GPHN: variants seen among roughly 807,000 people sequenced by gnomAD.
GPHN encodes the protein gephyrin.
In GPHN, 17 loss-of-function variants were observed where a neutral mutation model predicts 95.5. That is an observed-to-expected ratio of 0.18 (90% CI 0.12 to 0.27). The LOEUF (loss-of-function observed/expected upper bound fraction) is 0.27, where lower values mean the gene tolerates loss of function less well. GPHN is among the 10% of genes least tolerant of loss of function. The probability of loss-of-function intolerance (pLI) is 1.00; values close to 1 mark genes in which losing one functional copy is unlikely to be tolerated. For missense variants in GPHN, 660 were observed against 978.1 expected, an observed-to-expected ratio of 0.67 and a Z score of 4.34; for synonymous variants, 320 against 322.5, an observed-to-expected ratio of 0.99 and a Z score of 0.08.
chr14:67,018,042 C>A (rs2073406896), intron 9 of GPHN, among the ~76,000 whole-genome samples: 2 of 152,032 alleles, frequency 1.3e-5, no homozygotes, highest in Non-Finnish European at 2.9e-5. Flanking sequence ...AAGTCATGAT[C>A]CTTTTCCTCT....
the GPHN span, chr14:67,359,617 C>T: frequency 5.6e-6 from 9 of 1,612,738 alleles, no homozygotes; most frequent in Non-Finnish European, 7.6e-6. Context: ...GCTCCGGGTT[C>T]CTAAACCTGT....
intron 8 of GPHN, among the ~76,000 whole-genome samples, chr14:66,954,202 T>C (rs2068326211): frequency 6.6e-6 from 1 of 152,246 alleles, no homozygotes; most frequent in South Asian, 2.1e-4. Flanking sequence ...AGTGATTGCA[T>C]TGAATCTGTA....
chr14:67,323,123 C>T, the GPHN span, among the ~76,000 whole-genome samples: 1 of 151,732 alleles, frequency 6.6e-6, no homozygotes, highest in Non-Finnish European at 1.5e-5. Flanking sequence ...TAGTTGTCAT[C>T]CTTCAGTATC....
the GPHN span, chr14:67,292,446 T>G: frequency 1.4e-5 from 16 of 1,112,246 alleles, no homozygotes; most frequent in East Asian, 3.9e-4. Context: ...AAATGTTCTC[T>G]GAAAATGCAT....
chr14:67,575,549 A>C, the GPHN span: 1 of 924,914 alleles, frequency 1.1e-6, no homozygotes, highest in South Asian at 1.4e-5. Context: ...TGTCCTGATG[A>C]AAGTCCCTAC....
chr14:67,556,911 G>A, the GPHN span, among the ~76,000 whole-genome samples: 1 of 152,070 alleles, frequency 6.6e-6, no homozygotes, highest in Non-Finnish European at 1.5e-5. Flanking sequence ...GGTGGGGTTG[G>A]GACAGTTGCT....
the GPHN span, among the ~76,000 whole-genome samples, chr14:67,497,092 TTCTC>T: frequency 1.3e-5 from 2 of 149,850 alleles, no homozygotes; most frequent in African/African-American, 2.5e-5. Flanking sequence ...GTGCCTTTCT[TTCTC>T]TCTCTCTCTT....
chr14:66,747,541 T>C (rs2058199751), intron 2 of GPHN, among the ~76,000 whole-genome samples: 2 of 151,716 alleles, frequency 1.3e-5, no homozygotes, highest in Non-Finnish European at 2.9e-5. Context: ...GATATTATAA[T>C]GAACAAGATA....
At chr14:67,103,477 TCC>T (rs2077843934) in intron 13 of GPHN, among the ~76,000 whole-genome samples, 1 of 150,626 alleles carries the variant, frequency 6.6e-6, no homozygotes, top group Non-Finnish European at 1.5e-5. Flanking sequence ...TATTAATTCT[TCC>T]AACCCAACGA....
chr14:67,208,297 CAT>C, the GPHN span: 1 of 1,613,950 alleles, frequency 6.2e-7, no homozygotes, highest in Non-Finnish European at 8.5e-7. Context: ...CCATCTCAAA[CAT>C]AACACTGACT....
At chr14:67,621,028 T>C in the GPHN span, 1 of 1,477,108 alleles carries the variant, frequency 6.8e-7, no homozygotes, top group Admixed American at 1.7e-5. Flanking sequence ...CAGAGTCTTT[T>C]CTCTGACATC....
intron 1 of GPHN, among the ~76,000 whole-genome samples, chr14:66,553,222 C>T (rs1466564453): frequency 6.6e-6 from 1 of 152,022 alleles, no homozygotes; most frequent in Non-Finnish European, 1.5e-5. Context: ...AACTTTTGAC[C>T]TCAGGCAATC....
the GPHN span, among the ~76,000 whole-genome samples, chr14:67,431,262 G>A: frequency 9.9e-5 from 15 of 151,994 alleles, no homozygotes; most frequent in East Asian, 1.7e-3. Context: ...GCATGGTGGC[G>A]CTTGCCTGTA....
At chr14:67,023,769 G>T in intron 10 of GPHN, 94 bp downstream of exon 10, 1 of 967,602 alleles carries the variant, frequency 1.0e-6, no homozygotes, top group South Asian at 1.3e-5. Flanking sequence ...AAGCAATGGG[G>T]AATATTTATG....
the GPHN span, among the ~76,000 whole-genome samples, chr14:67,427,925 CT>C: frequency 1.5e-3 from 212 of 142,158 alleles, no homozygotes; most frequent in Middle Eastern, 3.6e-3. Flanking sequence ...CGACAATGCC[CT>C]TTTTTTTTTT....
chr14:66,931,512 C>T (rs2066798101), intron 8 of GPHN, among the ~76,000 whole-genome samples: 1 of 152,060 alleles, frequency 6.6e-6, no homozygotes, highest in Admixed American at 6.6e-5. Flanking sequence ...CCCTTTGAGG[C>T]TATTTTCTAG....
chr14:67,011,852 A>G (rs1445580162), intron 9 of GPHN, among the ~76,000 whole-genome samples: 3 of 152,084 alleles, frequency 2.0e-5, no homozygotes, highest in African/African-American at 7.2e-5. Context: ...ATATATGATC[A>G]CTTCTGTTTG....
chr14:66,566,429 T>C lies in GPHN; in HGVS notation c.64+57838T>C, dbSNP rs112505463. On this transcript the variant is annotated intron_variant, in intron 1 of 22. Transcript: ENST00000478722. ...ACATGAGAGGACAGCTGTGCTGTTT[T>C]ATGAAGGAATAAAATACCGAGGAAT... is the stretch of plus-strand genomic sequence containing the variant. Among the ~76,000 whole-genome samples the C allele has an allele frequency of 3.7e-3, 557 of 152,302 alleles. 11 individuals carry two copies. Among genetic ancestry groups the C allele is most frequent in the African/African-American group, 0.013 (528 of 41,576 alleles).
At chr14:67,710,922 G>C in the GPHN span, among the ~76,000 whole-genome samples, 1 of 151,952 alleles carries the variant, frequency 6.6e-6, no homozygotes, top group Non-Finnish European at 1.5e-5. Context: ...TGAAAACTGT[G>C]ATAGTCATCA....
Sources: gnomAD v4.1 joint callset for allele counts (sites outside exome capture counted in the v4.1 genomes callset) on GRCh38, gnomAD v4.1.1 for gene constraint, MANE v1.5 for transcripts, NCBI Gene and HGNC (gene_info 2026-07-23, HGNC 2026-07-21) for gene names.